The following ATP8A2 variants were observed in gnomAD, a reference collection of about 807,000 sequenced individuals.
The protein encoded by ATP8A2 is phospholipid-transporting ATPase IB.
Under a neutral mutation model 165.6 loss-of-function variants are expected in ATP8A2, and 100 were observed. The ratio of observed to expected loss-of-function variants is 0.60; its 90% CI spans 0.51 to 0.71. The LOEUF (loss-of-function observed/expected upper bound fraction) is 0.71. Ranked by LOEUF, ATP8A2 falls within the 30% of genes least tolerant of loss-of-function variation. ATP8A2 has a pLI of 0.00. For synonymous variants in ATP8A2, 543 were observed against 548.8 expected (o/e 0.99, Z 0.15); for missense variants, 1,227 against 1,479.5 (o/e 0.83, Z 2.80).
intron 1 of ATP8A2, among the ~76,000 whole-genome samples, chr13:25,389,218 A>C (rs975567090): frequency 6.6e-6 from 1 of 152,244 alleles, no homozygotes; most frequent in African/African-American, 2.4e-5. Context: ...AGATGTAAGG[A>C]GAATCAAATA....
chr13:25,814,310 A>G (rs1372790649), intron 27 of ATP8A2, among the ~76,000 whole-genome samples: 1 of 152,190 alleles, frequency 6.6e-6, no homozygotes, highest in Admixed American at 6.5e-5. Context: ...TGTTACCTAA[A>G]TGCAAATATG....
chr13:25,404,679 G>A (rs2033744079), intron 1 of ATP8A2, among the ~76,000 whole-genome samples: 1 of 152,126 alleles, frequency 6.6e-6, no homozygotes, highest in Non-Finnish European at 1.5e-5. Flanking sequence ...TGCAGAACGC[G>A]GGAGGAAGAG....
intron 33 of ATP8A2, among the ~76,000 whole-genome samples, chr13:25,958,514 A>G (rs191035793): frequency 1.4e-4 from 21 of 152,158 alleles, no homozygotes; most frequent in African/African-American, 4.6e-4. Flanking sequence ...CAAACCTCCA[A>G]TCCTGTGTCT....
chr13:25,726,525 G>A (rs886793835), intron 25 of ATP8A2, among the ~76,000 whole-genome samples: 6 of 152,098 alleles, frequency 3.9e-5, no homozygotes, highest in Non-Finnish European at 7.4e-5. Flanking sequence ...TCGGCTTGTG[G>A]CCCCTTCTCT....
intron 24 of ATP8A2, among the ~76,000 whole-genome samples, chr13:25,594,984 G>GTGTATATATATATATATA (rs150738527): frequency 7.0e-6 from 1 of 142,818 alleles, no homozygotes; most frequent in African/African-American, 2.6e-5. Context: ...GTGTGTGTGT[G>GTGTATATATATATATATA]TATATATATA....
At chr13:25,419,060 TATGTGTGTGTGTCTGCGTGC>T (rs1259301706) in intron 1 of ATP8A2, among the ~76,000 whole-genome samples, 1 of 152,080 alleles carries the variant, frequency 6.6e-6, no homozygotes, top group African/African-American at 2.4e-5. Context: ...TGTGTGTGCA[TATGTGTGTGTGTCTGCGTGC>T]ATGTGTGTGC....
chr13:25,618,417 A>G (rs1325386536), intron 24 of ATP8A2, among the ~76,000 whole-genome samples: 3 of 151,986 alleles, frequency 2.0e-5, no homozygotes, highest in East Asian at 3.9e-4. Context: ...CCTCATTGCC[A>G]TGAGGAAAGA....
chr13:25,460,738 G>GT (rs1376185422), intron 1 of ATP8A2, among the ~76,000 whole-genome samples: 1 of 152,142 alleles, frequency 6.6e-6, no homozygotes, highest in African/African-American at 2.4e-5. Context: ...TGTAAATAAA[G>GT]TATCACCAGC....
intron 30 of ATP8A2, among the ~76,000 whole-genome samples, chr13:25,848,775 G>A (rs988855187): frequency 2.6e-5 from 4 of 151,972 alleles, no homozygotes; most frequent in African/African-American, 9.7e-5. Context: ...TACTTTTTAC[G>A]GGGAGGAAAA....
intron 33 of ATP8A2, among the ~76,000 whole-genome samples, chr13:25,937,252 C>T (rs888345327): frequency 6.6e-6 from 1 of 151,710 alleles, no homozygotes; most frequent in African/African-American, 2.4e-5. Flanking sequence ...CAAAATGTAC[C>T]CTTGTAGTAA....
intron 24 of ATP8A2, among the ~76,000 whole-genome samples, chr13:25,647,957 G>A (rs1379371207): frequency 6.6e-6 from 1 of 152,026 alleles, no homozygotes; most frequent in Non-Finnish European, 1.5e-5. Flanking sequence ...CCAAAGTGCT[G>A]GGATTACAGA....
At chr13:25,748,485 A>G (rs1298752413) in intron 25 of ATP8A2, among the ~76,000 whole-genome samples, 2 of 152,172 alleles carry the variant, frequency 1.3e-5, no homozygotes, top group Middle Eastern at 3.2e-3. Context: ...GCATTAATCA[A>G]TGTAAGATAT....
intron 24 of ATP8A2, among the ~76,000 whole-genome samples, chr13:25,697,391 T>C (rs980300758): frequency 8.5e-5 from 13 of 152,192 alleles, no homozygotes; most frequent in Non-Finnish European, 4.4e-5. Flanking sequence ...TTGATTCTCC[T>C]GCCTCAGACT....
At chr13:25,901,920 G>A (rs532175248) in intron 33 of ATP8A2, among the ~76,000 whole-genome samples, 73 of 152,186 alleles carry the variant, frequency 4.8e-4, no homozygotes, top group Non-Finnish European at 8.8e-4. Context: ...ACTCAAGTAC[G>A]AATATCATAT....
chr13:25,920,325 A>AAAAGTT (rs1161297964), intron 33 of ATP8A2, among the ~76,000 whole-genome samples: 1 of 152,130 alleles, frequency 6.6e-6, no homozygotes, highest in Non-Finnish European at 1.5e-5. Flanking sequence ...TAAATCTCTG[A>AAAAGTT]AAAGTTAGGT....
At chr13:25,816,051 TC>T (rs1427234600) in intron 27 of ATP8A2, among the ~76,000 whole-genome samples, 2 of 152,152 alleles carry the variant, frequency 1.3e-5, no homozygotes, top group Non-Finnish European at 2.9e-5. Context: ...ATACAGAATT[TC>T]AGTTTGGAGT....
At chr13:25,437,202 A>G (rs1225552011) in intron 1 of ATP8A2, among the ~76,000 whole-genome samples, 2 of 152,090 alleles carry the variant, frequency 1.3e-5, no homozygotes, top group Non-Finnish European at 2.9e-5. Context: ...TTGGCTGCTT[A>G]TATGTCTTCT....
chr13:25,712,217 C>G (rs1217978991), intron 25 of ATP8A2, among the ~76,000 whole-genome samples: 1 of 152,124 alleles, frequency 6.6e-6, no homozygotes, highest in Non-Finnish European at 1.5e-5. Flanking sequence ...TGCTCTTTGA[C>G]TTTTGGCTTA....
chr13:25,745,352 G>A (rs909034535), intron 25 of ATP8A2, among the ~76,000 whole-genome samples: 11 of 152,212 alleles, frequency 7.2e-5, no homozygotes, highest in Admixed American at 3.3e-4. Context: ...AGCCCCATGC[G>A]TTATGCCGTG....
Sources: allele counts gnomAD v4.1 joint callset (sites outside exome capture counted in the v4.1 genomes callset), GRCh38; gene constraint gnomAD v4.1.1; transcripts MANE v1.5; gene names NCBI Gene and HGNC (gene_info 2026-07-23, HGNC 2026-07-21).